FLYWCH1: variants seen among roughly 807,000 people sequenced by gnomAD.
The protein encoded by FLYWCH1 is FLYWCH-type zinc finger-containing protein 1.
A neutral mutation model predicts 66.4 loss-of-function variants in FLYWCH1; 75 were observed. That is an observed-to-expected ratio of 1.13 (90% CI 0.94 to 1.37). FLYWCH1 has a LOEUF of 1.37. Ranked by LOEUF, FLYWCH1 falls within the 40% of genes most tolerant of loss-of-function variation. The pLI is 0.00. For synonymous variants in FLYWCH1, 595 were observed against 429.9 expected (o/e 1.38, Z -4.75); for missense variants, 1,334 against 1,001.8 (o/e 1.33, Z -4.48).
intron 7 of FLYWCH1, 31 bp from the exon 8 acceptor site, chr16:2,938,138 ACCCAGGCCCCTGTGG>A (rs757166024): frequency 7.6e-6 from 12 of 1,586,252 alleles, no homozygotes; most frequent in Non-Finnish European, 1.0e-5. Context: ...CAGCCCTGCC[ACCCAGGCCCCTGTGG>A]CCCCACTCAC....
intron 2 of FLYWCH1, among the ~76,000 whole-genome samples, 199 bp downstream of exon 2, chr16:2,914,488 C>T (rs1030891025): frequency 6.6e-6 from 1 of 152,176 alleles, no homozygotes; most frequent in Non-Finnish European, 1.5e-5. Context: ...CAAATTGCTC[C>T]GCACCCTCAA....
chr16:2,936,650 G>A (rs915254674), intron 6 of FLYWCH1: 9 of 458,752 alleles, frequency 2.0e-5, no homozygotes, highest in East Asian at 6.9e-5. Flanking sequence ...GACAGTGGAC[G>A]CTGCTCCCTG....
chr16:2,939,833 GA>G, intron 8 of FLYWCH1, 198 bp from the exon 9 acceptor site: 1 of 491,826 alleles, frequency 2.0e-6, no homozygotes, highest in Non-Finnish European at 3.5e-6. Context: ...GACAGCAGCT[GA>G]AGGTCAACTC....
chr16:2,930,436 A>G lies in FLYWCH1; in HGVS notation c.352A>G (p.Arg118Gly), dbSNP rs753873848. Residue 118 changes from arginine (R) to glycine (G), a missense_variant, in exon 4 of 10, where the codon AGG (arginine) becomes GGG (glycine). By Grantham distance (125) the Arg-to-Gly change is moderately radical. Transcript: ENST00000253928. ...AAAPQSLEFL[R>G]TPFGGRLLVL... ...AGCCCCTCAGTCCCTGGAGTTCCTGAGGACACCATTCGGGGGCCGCCTCCT... is the reference window on the plus strand; with the variant it reads ...AGCCCCTCAGTCCCTGGAGTTCCTGGGGACACCATTCGGGGGCCGCCTCCT... 1.8e-5 allele frequency: 27 copies of G among 1,480,588 alleles called. No homozygotes were observed. The highest frequency in any genetic ancestry group is 3.5e-4 in the Middle Eastern group (2 of 5,712). The allele number at this position is 1,480,588 out of a possible 1,614,324, so 91.7% of individuals were successfully genotyped here. A position where few individuals can be genotyped will look rare whatever the true frequency, so the allele number is the denominator to read the frequency against.
intron 6 of FLYWCH1, chr16:2,936,157 T>C (rs4786356): frequency 0.61 from 185,717 of 303,070 alleles, 59,326 homozygotes; most frequent in African/African-American, 0.86. Context: ...GTGATCCGCC[T>C]GCCTCGGCCT....
intron 2 of FLYWCH1, among the ~76,000 whole-genome samples, chr16:2,929,329 T>G (rs1431897624): frequency 6.6e-6 from 1 of 152,180 alleles, no homozygotes; most frequent in Non-Finnish European, 1.5e-5. Context: ...GTGCTCAGCA[T>G]GTGGCTGAGC....
At chr16:2,943,568 T>C (rs993289095) in intron 9 of FLYWCH1, 2 of 151,434 alleles carry the variant, frequency 1.3e-5, no homozygotes, top group Non-Finnish European at 2.9e-5. Flanking sequence ...TCCAACACGC[T>C]TTCATGATAA....
chr16:2,943,542 A>G (rs759250578), intron 9 of FLYWCH1: 2 of 151,718 alleles, frequency 1.3e-5, no homozygotes, highest in African/African-American at 2.4e-5. Flanking sequence ...GAATAGACAC[A>G]AAACATTTGA....
At position 2,938,353 on chromosome 16, in the gene FLYWCH1, C is replaced by T. The variant is rs1033136923; in HGVS notation, c.1947C>T (p.Arg649=). 1.3e-6 allele frequency: 2 copies of T among 1,598,494 alleles called. No individual in the cohort carries two copies. Among genetic ancestry groups the T allele is most frequent in the Admixed American group, 1.7e-5 (1 of 58,776 alleles). The change falls in exon 8 of 10, where the codon CGC becomes CGT. Residue 649 remains arginine (R), a synonymous_variant. Coordinates refer to ENST00000253928, the MANE Select transcript of FLYWCH1 (RefSeq NM_001308068.2). ...GCCGCGCCATAACCCAGGGCCACCG[C>T]ATCATGGTCATGCGCAGCCACTGCC... The part of the protein sequence containing the change: ...CRSRAITQGH[R]IMVMRSHCHQ...
intron 2 of FLYWCH1, among the ~76,000 whole-genome samples, chr16:2,920,219 C>G (rs1416983635): frequency 6.6e-6 from 1 of 152,012 alleles, no homozygotes; most frequent in African/African-American, 2.4e-5. Context: ...GTAAACCAAA[C>G]CCAAGAACAA....
chr16:2,938,106 T>TG, intron 7 of FLYWCH1, 78 bp from the exon 8 acceptor site: 2 of 1,422,172 alleles, frequency 1.4e-6, no homozygotes, highest in Admixed American at 4.3e-5. Context: ...GGGGCCTGGC[T>TG]GGGGGATACA....
intron 1 of FLYWCH1, chr16:2,913,092 A>G (rs1391588195): frequency 2.0e-5 from 3 of 152,202 alleles, no homozygotes; most frequent in African/African-American, 7.2e-5. Flanking sequence ...ATGATGCACT[A>G]AGGCTGGAGA....
chr16:2,941,732 G>T (rs749256063), intron 9 of FLYWCH1, among the ~76,000 whole-genome samples: 5 of 150,808 alleles, frequency 3.3e-5, no homozygotes, highest in Non-Finnish European at 7.4e-5. Context: ...AAAAAAAAAA[G>T]AACTAAAAGT....
At position 2,933,337 on chromosome 16, in the gene FLYWCH1, T is replaced by C. The variant is rs2070845317; in HGVS notation, c.1004T>C (p.Met335Thr). The C allele has an allele frequency of 6.2e-7, 1 of 1,608,192 alleles. No individual in the cohort carries two copies. Among genetic ancestry groups the C allele is most frequent in the Non-Finnish European group, 8.5e-7 (1 of 1,177,768 alleles). The change falls in exon 5 of 10, where the codon ATG becomes ACG. Residue 335 changes from methionine (M) to threonine (T), a missense_variant. By Grantham distance (81) the Met-to-Thr change is moderately conservative. Transcript: ENST00000253928. Reference protein sequence around the residue: ...VMRGHCHQPDMEGLEARRQQE... With the variant: ...VMRGHCHQPDTEGLEARRQQE... Reference sequence around the variant, plus strand: ...CGTGGGCACTGCCACCAGCCCGATATGGAGGGCCTGGAAGCCCGGCGGCAG... The same window carrying C: ...CGTGGGCACTGCCACCAGCCCGATACGGAGGGCCTGGAAGCCCGGCGGCAG...
Position 2,938,263 on chromosome 16 carries a change from G to T in FLYWCH1, c.1857G>T (p.Lys619Asn). ...TGCACGAGTCCTTCCTCTACAGGAAGGAGAAGGCGGCTGGGGAGAAGGTGT... is the reference window on the plus strand; with the variant it reads ...TGCACGAGTCCTTCCTCTACAGGAATGAGAAGGCGGCTGGGGAGAAGGTGT... ...FLVHESFLYR[K>N]EKAAGEKVYW... The change falls in exon 8 of 10, where the codon AAG becomes AAT. Residue 619 changes from lysine (K) to asparagine (N), a missense_variant. Transcript: ENST00000253928. 1.2e-6 allele frequency: 2 copies of T among 1,613,172 alleles called. No individual in the cohort carries two copies. Among genetic ancestry groups the T allele is most frequent in the Non-Finnish European group, 1.7e-6 (2 of 1,179,582 alleles).
chr16:2,920,604 T>C (rs560217285), intron 2 of FLYWCH1, among the ~76,000 whole-genome samples: 4 of 152,150 alleles, frequency 2.6e-5, no homozygotes, highest in Non-Finnish European at 5.9e-5. Context: ...TTTTTTGAGA[T>C]GGAGTTTTGC....
intron 2 of FLYWCH1, among the ~76,000 whole-genome samples, chr16:2,921,465 G>A (rs1424061484): frequency 1.3e-5 from 2 of 152,064 alleles, no homozygotes; most frequent in East Asian, 3.9e-4. Context: ...GGGAGGCTGA[G>A]GTGGGAGGAT....
At position 2,941,721 on chromosome 16, in the gene FLYWCH1, TA is replaced by T. The variant is rs371110260; in HGVS notation, c.2111+1639del. Among the ~76,000 whole-genome samples, 1,407 of 143,786 alleles carry T rather than the reference TA, an allele frequency of 9.8e-3. 21 individuals carry two copies. The highest frequency in any genetic ancestry group is 0.034 in the African/African-American group (1,350 of 39,214). The allele number at this position is 143,786 out of a possible 152,430, so 94.3% of individuals were successfully genotyped here. ...TCATCTCCACAAAAAATAGAAAAAC[TA>T]AAAAAAAAAGAACTAAAAGTCTGGG... On this transcript the variant is annotated intron_variant, in intron 9 of 9. Transcript: ENST00000253928.
At chr16:2,937,923 T>C (rs2071085346) in intron 7 of FLYWCH1, among the ~76,000 whole-genome samples, 1 of 152,034 alleles carries the variant, frequency 6.6e-6, no homozygotes, top group East Asian at 1.9e-4. Context: ...GTCTGAGGGG[T>C]TGGGAGAGTC....
Sources: allele counts gnomAD v4.1 joint callset (sites outside exome capture counted in the v4.1 genomes callset), GRCh38; gene constraint gnomAD v4.1.1; transcripts MANE v1.5; gene names NCBI Gene and HGNC (gene_info 2026-07-23, HGNC 2026-07-21).